Variants in OR10J1 observed in about 807,000 individuals in gnomAD.
OR10J1 encodes the protein olfactory receptor family 10 subfamily J member 1.
For missense variants in OR10J1, 474 were observed against 376.6 expected, an observed-to-expected ratio of 1.26 and a Z score of -2.14; for synonymous variants, 202 against 143.8, an observed-to-expected ratio of 1.40 and a Z score of -2.89.
chr1:159,398,735 T>C, the OR10J1 span, among the ~76,000 whole-genome samples: 1 of 151,736 alleles, frequency 6.6e-6, no homozygotes, highest in Admixed American at 6.6e-5. Flanking sequence ...GAAAAAAGAA[T>C]AAAAAACAAT....
At position 159,439,937 on chromosome 1, in the gene OR10J1, T is replaced by C. The variant is rs1216175566; in HGVS notation, c.146T>C (p.Ile49Thr). 1.2e-6 allele frequency: 2 copies of C among 1,614,144 alleles called. No individual in the cohort carries two copies. Among genetic ancestry groups the C allele is most frequent in the Non-Finnish European group, 1.7e-6 (2 of 1,180,006 alleles). ...LAGNIIIVTI[I>T]RMDLHLHTPM... ...GGCAATATCATCATTGTGACCATCATCCGAATGGATCTTCATCTTCACACA... is the reference window on the plus strand; with the variant it reads ...GGCAATATCATCATTGTGACCATCACCCGAATGGATCTTCATCTTCACACA... Residue 49 changes from isoleucine (I) to threonine (T), a missense_variant, in exon 1 of 1, where the codon ATC becomes ACC. Coordinates refer to ENST00000423932, the MANE Select transcript of OR10J1 (RefSeq NM_012351.3).
Position 159,440,371 on chromosome 1 carries a change from A to C in OR10J1, c.580A>C (p.Asn194His). Residue 194 changes from asparagine (N) to histidine (H), a missense_variant, in exon 1 of 1, where the codon AAT becomes CAT. Asn to His is a moderately conservative substitution (Grantham distance 68). Transcript: ENST00000423932. ...GCTCTCCTGCATTGACACCACTGTC[A>C]ATGAAATCCTGACTTTGATTATCAG... ...MKLSCIDTTVNEILTLIISVL... is the reference protein window; with the variant it reads ...MKLSCIDTTVHEILTLIISVL... The C allele has an allele frequency of 6.2e-7, 1 of 1,614,186 alleles. No individual in the cohort carries two copies. The highest frequency in any genetic ancestry group is 2.2e-5 in the East Asian group (1 of 44,872).
At chr1:159,404,971 C>T in the OR10J1 span, among the ~76,000 whole-genome samples, 13 of 152,034 alleles carry the variant, frequency 8.6e-5, no homozygotes, top group East Asian at 1.9e-4. Context: ...GGTAATTCCC[C>T]GTTTTTATAC....
chr1:159,422,029 G>A, the OR10J1 span, among the ~76,000 whole-genome samples: 1 of 152,120 alleles, frequency 6.6e-6, no homozygotes, highest in Non-Finnish European at 1.5e-5. Context: ...GCTGCAATGC[G>A]CTGTACAGGC....
chr1:159,440,415 A>G lies in OR10J1; in HGVS notation c.624A>G (p.Val208=), dbSNP rs764241825. ...TLIISVLVLV[V]PMGLVFISYV... ...TTATCAGTGTGCTGGTGCTTGTTGT[A>G]CCTATGGGTCTGGTTTTCATTTCTT... Residue 208 remains valine (V), a synonymous_variant, in exon 1 of 1, where the codon GTA becomes GTG. Transcript: ENST00000423932. 1 of 1,614,024 alleles carries G rather than the reference A, an allele frequency of 6.2e-7. No homozygotes were observed. Among genetic ancestry groups the G allele is most frequent in the South Asian group, 1.1e-5 (1 of 91,080 alleles).
chr1:159,410,154 A>T, the OR10J1 span, among the ~76,000 whole-genome samples: 25 of 152,192 alleles, frequency 1.6e-4, no homozygotes, highest in Non-Finnish European at 3.4e-4. Flanking sequence ...TTGGTCTAAA[A>T]TTCTCTTTTT....
the OR10J1 span, among the ~76,000 whole-genome samples, chr1:159,403,876 AGATGAATG>A: frequency 1.3e-5 from 2 of 152,150 alleles, no homozygotes; most frequent in African/African-American, 4.8e-5. Flanking sequence ...GTCCATCGAT[AGATGAATG>A]GATAAAGAAA....
the OR10J1 span, among the ~76,000 whole-genome samples, chr1:159,406,591 T>C: frequency 6.6e-6 from 1 of 151,876 alleles, no homozygotes; most frequent in African/African-American, 2.4e-5. Flanking sequence ...AGGGCAGAGA[T>C]CAAAGGGAAG....
At chr1:159,412,811 G>T in the OR10J1 span, among the ~76,000 whole-genome samples, 45 of 151,484 alleles carry the variant, frequency 3.0e-4, no homozygotes, top group Admixed American at 4.6e-4. Flanking sequence ...CAAAAGCAAT[G>T]GCAACAAAAG....
chr1:159,426,894 T>G, the OR10J1 span, among the ~76,000 whole-genome samples: 1 of 151,952 alleles, frequency 6.6e-6, no homozygotes, highest in Non-Finnish European at 1.5e-5. Context: ...ATGTTAACCA[T>G]TATTCTAAGC....
the OR10J1 span, among the ~76,000 whole-genome samples, chr1:159,425,209 A>G: frequency 4.4e-4 from 67 of 152,280 alleles, 1 homozygote; most frequent in African/African-American, 1.5e-3. Context: ...TTGTTCTCAG[A>G]TAGTTATTGA....
chr1:159,423,422 G>T, the OR10J1 span, among the ~76,000 whole-genome samples: 1 of 152,142 alleles, frequency 6.6e-6, no homozygotes, highest in East Asian at 1.9e-4. Context: ...ATAGGGAACA[G>T]CCTTGAAACA....
At chr1:159,403,624 GC>G in the OR10J1 span, among the ~76,000 whole-genome samples, 1 of 152,102 alleles carries the variant, frequency 6.6e-6, no homozygotes. Flanking sequence ...GCAAATGCTG[GC>G]ATGGATGTGG....
At chr1:159,422,333 G>T in the OR10J1 span, among the ~76,000 whole-genome samples, 1 of 152,186 alleles carries the variant, frequency 6.6e-6, no homozygotes, top group Admixed American at 6.5e-5. Context: ...TACTACTGAG[G>T]AGGGTGGAGT....
At chr1:159,436,228 T>C (rs1434857446), upstream of OR10J1, among the ~76,000 whole-genome samples, 1 of 152,122 alleles carries the variant, frequency 6.6e-6, no homozygotes, top group African/African-American at 2.4e-5. Context: ...ACCAATGATA[T>C]CTGATCATGA....
chr1:159,440,178 C>T lies in OR10J1; in HGVS notation c.387C>T (p.Pro129=). 3 of 1,614,150 alleles carry T rather than the reference C, an allele frequency of 1.9e-6. No individual in the cohort carries two copies. The highest frequency in any genetic ancestry group is 2.5e-6 in the Non-Finnish European group (3 of 1,180,016). ...GYDRYVAICN[P]LRYMVIMNKR... is the part of the protein sequence containing the mutation. ...ACCGCTATGTGGCCATCTGCAACCC[C>T]CTGAGATACATGGTTATTATGAACA... is the stretch of plus-strand genomic sequence containing the variant. Residue 129 remains proline, a synonymous_variant, in exon 1 of 1, where the codon CCC becomes CCT. Coordinates refer to ENST00000423932, the MANE Select transcript of OR10J1 (RefSeq NM_012351.3).
the OR10J1 span, among the ~76,000 whole-genome samples, chr1:159,407,888 G>C: frequency 6.6e-6 from 1 of 152,024 alleles, no homozygotes; most frequent in Non-Finnish European, 1.5e-5. Context: ...AGTCCCTGAT[G>C]TTAAATAACT....
chr1:159,400,217 G>T, the OR10J1 span, among the ~76,000 whole-genome samples: 1 of 151,726 alleles, frequency 6.6e-6, no homozygotes, highest in East Asian at 1.9e-4. Flanking sequence ...AAAAGAGTAA[G>T]TTCTTACTTA....
upstream of OR10J1, chr1:159,432,998 C>T (rs1360098552): frequency 4.6e-6 from 2 of 436,176 alleles, no homozygotes; most frequent in Middle Eastern, 3.7e-4. Flanking sequence ...ACCCAAATCC[C>T]AAAATTCCCT....
Sources: gnomAD v4.1 joint callset for allele counts (sites outside exome capture counted in the v4.1 genomes callset) on GRCh38, gnomAD v4.1.1 for gene constraint, MANE v1.5 for transcripts, NCBI Gene and HGNC (gene_info 2026-07-23, HGNC 2026-07-21) for gene names.